KRT17: variants seen among roughly 807,000 people sequenced by gnomAD.
KRT17 encodes keratin 17.
A neutral mutation model predicts 45.6 loss-of-function variants in KRT17; 29 were observed. The ratio of observed to expected loss-of-function variants is 0.64; its 90% CI spans 0.47 to 0.87. The LOEUF (loss-of-function observed/expected upper bound fraction) is 0.87. KRT17 is among the 40% of genes least tolerant of loss of function. The pLI is 0.00. For synonymous variants in KRT17, 219 were observed against 234.6 expected, an observed-to-expected ratio of 0.93 and a Z score of 0.61; for missense variants, 536 against 577.8, an observed-to-expected ratio of 0.93 and a Z score of 0.74.
In KRT17 at chr17:41,621,960, C is replaced by T. The variant is rs554300290; in HGVS notation, c.673-206G>A. The T allele has an allele frequency of 7.0e-4, 448 of 640,432 alleles. 1 individual carries two copies. The highest frequency in any genetic ancestry group is 1.1e-3 in the Non-Finnish European group (400 of 359,762). 39.7% of individuals were successfully genotyped at this position (640,432 alleles called of 1,614,324 possible). ...TCTATCTCCCCCATTAGACCAAGGA[C>T]TCTCCAAAATAAAATCTAATTATTA... On this transcript the variant is annotated intron_variant, in intron 3 of 7. Transcript: ENST00000311208.
intron 5 of KRT17, 25 bp downstream of exon 5, chr17:41,620,941 C>T (rs1257270304): frequency 1.4e-5 from 22 of 1,613,928 alleles, no homozygotes; most frequent in Non-Finnish European, 1.7e-5. Flanking sequence ...TCTGGGCCCT[C>T]CCCCATGCAC....
In KRT17 at chr17:41,619,821, C is replaced by T. The variant is rs1908478986; in HGVS notation, c.1205-133G>A. 25 of 1,550,326 alleles carry T rather than the reference C, an allele frequency of 1.6e-5. No homozygotes were observed. In the East Asian group the frequency reaches 2.2e-4, roughly 13 times the overall value. On this transcript the variant is annotated intron_variant, in intron 7 of 7. Transcript: ENST00000311208. ...GCTGTGAGTGCCTCCACTGGCACCT[C>T]GACATCACACTGCACACACATCCCT... is the stretch of plus-strand genomic sequence containing the variant.
Position 41,621,177 on chromosome 17 carries a change from G to C in KRT17, c.835-86C>G, listed in dbSNP as rs1455200448. On this transcript the variant is annotated intron_variant, in intron 4 of 7. Transcript: ENST00000311208. Reference sequence around the variant, plus strand: ...CCTCCCAAATCTAACTGTGGAGAGAGTGTGCCTTCTCACCAGCTTCCCACA... The same window carrying C: ...CCTCCCAAATCTAACTGTGGAGAGACTGTGCCTTCTCACCAGCTTCCCACA... 7.8e-6 allele frequency: 12 copies of C among 1,537,020 alleles called. No homozygotes were observed. The Admixed American group carries it at 2.1e-4, about 27-fold the overall frequency.
At chr17:41,623,928 C>T in intron 1 of KRT17, 150 bp downstream of exon 1, 4 of 1,140,678 alleles carry the variant, frequency 3.5e-6, no homozygotes. Flanking sequence ...CACACAGGGG[C>T]CCCAAGGCAG....
rs781562194 is a variant in KRT17 at position 41,622,420 on chromosome 17, C to T, written c.607G>A (p.Asp203Asn). 8.7e-6 allele frequency: 14 copies of T among 1,614,128 alleles called. No individual in the cohort carries two copies. In the East Asian group the frequency reaches 1.6e-4, roughly 18 times the overall value. The change falls in exon 3 of 8, where the codon GAC becomes AAC. Residue 203 changes from aspartate (D) to asparagine (N), a missense_variant. Coordinates refer to ENST00000311208, the MANE Select transcript of KRT17 (RefSeq NM_000422.3). The stretch of plus-strand genomic sequence containing the variant: ...AGGTTCTCAATCTGCATCTCCAGGT[C>T]GGCTCTGGCCAGGGTCAGCTCATCC... ...VLDELTLARADLEMQIENLKE... is the reference protein window; with the variant it reads ...VLDELTLARANLEMQIENLKE...
chr17:41,623,183 G>A, intron 1 of KRT17, 151 bp from the exon 2 acceptor site: 3 of 656,868 alleles, frequency 4.6e-6, no homozygotes, highest in Non-Finnish European at 5.7e-6. Context: ...GGGGCAAACA[G>A]GAGTCTGAAG....
chr17:41,619,532 G>T lies in KRT17; in HGVS notation c.*62C>A. The T allele has an allele frequency of 6.2e-7, 1 of 1,611,516 alleles. No individual in the cohort carries two copies. Among genetic ancestry groups the T allele is most frequent in the Non-Finnish European group, 8.5e-7 (1 of 1,179,742 alleles). On this transcript the variant is annotated 3_prime_UTR_variant, in exon 8 of 8. Transcript: ENST00000311208. ...GCTGAGGCTGGAGAGGCCGGAGACTGTGGGGCAGATGGGGCGGCTGCCTCC... is the reference window on the plus strand; with the variant it reads ...GCTGAGGCTGGAGAGGCCGGAGACTTTGGGGCAGATGGGGCGGCTGCCTCC...
chr17:41,623,750 C>T (rs1908626778), intron 1 of KRT17, among the ~76,000 whole-genome samples: 2 of 152,180 alleles, frequency 1.3e-5, no homozygotes, highest in Non-Finnish European at 2.9e-5. Context: ...AGACACCACA[C>T]ATCCAGCAGC....
In KRT17 at chr17:41,619,695, G is replaced by A. The variant is rs1364239615; in HGVS notation, c.1205-7C>T. On this transcript the variant is annotated splice_region_variant and splice_polypyrimidine_tract_variant and intron_variant, in intron 7 of 7. Coordinates refer to ENST00000311208, the MANE Select transcript of KRT17 (RefSeq NM_000422.3). ...ACCTGACGGGTGGTCACCGCTGCAGGAGAAGCAGGCAATTTAAAGTGGGTA... is the reference window on the plus strand; with the variant it reads ...ACCTGACGGGTGGTCACCGCTGCAGAAGAAGCAGGCAATTTAAAGTGGGTA... 4 of 1,612,172 alleles carry A rather than the reference G, an allele frequency of 2.5e-6. No individual in the cohort carries two copies. The highest frequency in any genetic ancestry group is 3.4e-6 in the Non-Finnish European group (4 of 1,180,002).
At position 41,619,579 on chromosome 17, in the gene KRT17, G is replaced by A. The variant is rs370679883; in HGVS notation, c.*15C>T. The A allele has an allele frequency of 3.0e-5, 49 of 1,611,904 alleles. No individual in the cohort carries two copies. Among genetic ancestry groups the A allele is most frequent in the Non-Finnish European group, 3.6e-5 (42 of 1,179,948 alleles). ...CTCCCTGCCTCCTGGGTGGCCGGCC[G>A]GGGTAGCTGAGTCCTCAGCGGGTGG... On this transcript the variant is annotated 3_prime_UTR_variant, in exon 8 of 8. Transcript: ENST00000311208.
At chr17:41,623,527 G>A (rs1229052379) in intron 1 of KRT17, among the ~76,000 whole-genome samples, 2 of 152,132 alleles carry the variant, frequency 1.3e-5, no homozygotes, top group Non-Finnish European at 2.9e-5. Context: ...CCCGCCCCCT[G>A]GGGTTTGCTG....
chr17:41,623,097 A>C (rs1908602783), intron 1 of KRT17, 65 bp from the exon 2 acceptor site: 1 of 1,235,430 alleles, frequency 8.1e-7, no homozygotes, highest in Admixed American at 1.7e-5. Context: ...CAGGGTTCTG[A>C]GCAGATCTTC....
In KRT17 at chr17:41,619,561, C is replaced by A. The variant is rs536862988; in HGVS notation, c.*33G>T. The A allele has an allele frequency of 2.2e-5, 36 of 1,611,790 alleles. No homozygotes were observed. The South Asian group carries it at 3.7e-4, about 17-fold the overall frequency. On this transcript the variant is annotated 3_prime_UTR_variant, in exon 8 of 8. Transcript: ENST00000311208. The stretch of plus-strand genomic sequence containing the variant: ...GGCAGATGGGGCGGCTGCCTCCCTG[C>A]CTCCTGGGTGGCCGGCCGGGGTAGC...
rs554504293 is a variant in KRT17, at chr17:41,624,430, G to A, written c.80C>T (p.Thr27Ile). Residue 27 changes from threonine (T) to isoleucine (I), a missense_variant, in exon 1 of 8, where the codon ACC becomes ATC. Physicochemically the swap from Thr to Ile is moderately conservative, Grantham distance 89 (BLOSUM62 -1). Transcript: ENST00000311208. ...SSGLGGGSSR[T>I]SCRLSGGLGA... ...CAGGCCGCCAGACAGCCGGCAGGAG[G>A]TGCGGGACGAGCCGCCCCCCAGGCC... The A allele has an allele frequency of 1.4e-5, 22 of 1,610,278 alleles. No homozygotes were observed. In the East Asian group the frequency reaches 2.0e-4, roughly 15 times the overall value.
At chr17:41,623,536 TGAGCCC>T (rs1908620107) in intron 1 of KRT17, among the ~76,000 whole-genome samples, 1 of 152,148 alleles carries the variant, frequency 6.6e-6, no homozygotes, top group Non-Finnish European at 1.5e-5. Context: ...TGGGGTTTGC[TGAGCCC>T]GTCTTAAGGG....
chr17:41,620,498 C>A (rs770190838), intron 7 of KRT17, 38 bp downstream of exon 7: 1 of 1,611,932 alleles, frequency 6.2e-7, no homozygotes, highest in East Asian at 2.2e-5. Context: ...CTGTCCCATG[C>A]ACCCAACCCC....
At chr17:41,621,257 A>T (rs112580970) in intron 4 of KRT17, among the ~76,000 whole-genome samples, 166 bp from the exon 5 acceptor site, 4 of 152,250 alleles carry the variant, frequency 2.6e-5, no homozygotes, top group African/African-American at 9.6e-5. Flanking sequence ...GGTTAATCCC[A>T]GCGTGTGGGA....
In KRT17 at chr17:41,623,035, G is replaced by A. The variant is rs780917106; in HGVS notation, c.433-3C>T. On this transcript the variant is annotated splice_polypyrimidine_tract_variant and splice_region_variant and intron_variant, in intron 1 of 7. Coordinates refer to ENST00000311208, the MANE Select transcript of KRT17 (RefSeq NM_000422.3). The stretch of plus-strand genomic sequence containing the variant: ...TTGTCCACGGTGGCTGTGAGGATCT[G>A]AGGAGAAGGGAGAGTAGTCAGGTCA... 6.2e-7 allele frequency: 1 copy of A among 1,611,192 alleles called. No individual in the cohort carries two copies. The highest frequency in any genetic ancestry group is 1.1e-5 in the South Asian group (1 of 91,008).
intron 4 of KRT17, 144 bp from the exon 5 acceptor site, chr17:41,621,235 T>C: frequency 8.8e-7 from 1 of 1,140,726 alleles, no homozygotes; most frequent in Admixed American, 2.0e-5. Context: ...ATTTGAAATG[T>C]TAACTTTTTA....
Sources: gnomAD v4.1 joint callset for allele counts (sites outside exome capture counted in the v4.1 genomes callset) on GRCh38, gnomAD v4.1.1 for gene constraint, MANE v1.5 for transcripts, NCBI Gene and HGNC (gene_info 2026-07-23, HGNC 2026-07-21) for gene names.